Variants in EPHB3 observed in about 807,000 individuals in gnomAD.
EPHB3 encodes the protein EPH receptor B3.
In EPHB3, 33 loss-of-function variants were observed where a neutral mutation model predicts 100.2. The observed-to-expected ratio is 0.33, with a 90% CI of 0.25 to 0.44. EPHB3 has a LOEUF of 0.44. Ranked by LOEUF, EPHB3 falls within the 20% of genes least tolerant of loss-of-function variation. The pLI, the probability that EPHB3 is intolerant of heterozygous loss-of-function variation, is 1.00. For synonymous variants in EPHB3, 526 were observed against 554.7 expected (o/e 0.95, Z 0.73); for missense variants, 1,045 against 1,378.3 (o/e 0.76, Z 3.83).
chr3:184,579,361 C>A lies in EPHB3; in HGVS notation c.1802-116C>A. 6.8e-7 allele frequency: 1 copy of A among 1,473,910 alleles called. No homozygotes were observed. The highest frequency in any genetic ancestry group is 9.2e-7 in the Non-Finnish European group (1 of 1,091,164). 91.3% of individuals were successfully genotyped at this position (1,473,910 alleles called of 1,614,324 possible). The stretch of plus-strand genomic sequence containing the variant: ...TCTCATGGGAGCTGGAGGATTAGGG[C>A]AGCAACACAGAGGAATATGGGGCTG... On this transcript the variant is annotated intron_variant, in intron 9 of 15. Coordinates refer to ENST00000330394, the MANE Select transcript of EPHB3 (RefSeq NM_004443.4). This position sits in a 1 kb window ranked among gnomAD's most constrained non-coding sequence, Gnocchi z 5.2.
At position 184,581,016 on chromosome 3, in the gene EPHB3, G is replaced by A. The variant is rs1166574205; in HGVS notation, c.2583G>A (p.Met861Ile). The change falls in exon 14 of 16, where the codon ATG (methionine) becomes ATA (isoleucine). Residue 861 changes from methionine to isoleucine, a missense_variant. Physicochemically the swap from Met to Ile is conservative, Grantham distance 10. Coordinates refer to ENST00000330394, the MANE Select transcript of EPHB3 (RefSeq NM_004443.4). ...VEQDYRLPPP[M>I]DCPTALHQLM... ...AGGATTACCGGCTGCCACCACCCAT[G>A]GACTGTCCCACAGCACTGCACCAGC... 1.9e-6 allele frequency: 3 copies of A among 1,613,958 alleles called. No homozygotes were observed. Among genetic ancestry groups the A allele is most frequent in the South Asian group, 2.2e-5 (2 of 91,082 alleles).
intron 1 of EPHB3, among the ~76,000 whole-genome samples, chr3:184,567,473 C>T (rs1250169934): frequency 7.0e-6 from 1 of 142,562 alleles, no homozygotes; most frequent in Non-Finnish European, 1.5e-5. Flanking sequence ...CAGAACCATG[C>T]TTGCAGGGTG....
intron 4 of EPHB3, among the ~76,000 whole-genome samples, chr3:184,576,380 C>T (rs1174376126): frequency 1.3e-5 from 2 of 152,210 alleles, no homozygotes; most frequent in African/African-American, 2.4e-5. Context: ...TGGAGGGGGC[C>T]TCACATCCTG....
In EPHB3 at chr3:184,581,567, G is replaced by A. The variant is rs11544573; in HGVS notation, c.2942G>A (p.Ser981Asn). 1 of 1,613,772 alleles carries A rather than the reference G, an allele frequency of 6.2e-7. No individual in the cohort carries two copies. The highest frequency in any genetic ancestry group is 1.1e-5 in the South Asian group (1 of 91,068). The part of the protein sequence containing the change: ...TLAGHQKKIL[S>N]SIQDMRLQMN... ...GCCGGCCACCAGAAGAAGATCCTGAGCAGTATCCAGGACATGCGGCTGCAG... is the reference window on the plus strand; with the variant it reads ...GCCGGCCACCAGAAGAAGATCCTGAACAGTATCCAGGACATGCGGCTGCAG... The change falls in exon 16 of 16, where the codon AGC becomes AAC. Residue 981 changes from serine to asparagine, a missense_variant. Ser to Asn is a conservative substitution (Grantham distance 46). Coordinates refer to ENST00000330394, the MANE Select transcript of EPHB3 (RefSeq NM_004443.4).
Position 184,579,671 on chromosome 3 carries a change from G to T in EPHB3, c.1925-16G>T. 6.2e-7 allele frequency: 1 copy of T among 1,611,024 alleles called. No individual in the cohort carries two copies. The highest frequency in any genetic ancestry group is 8.5e-7 in the Non-Finnish European group (1 of 1,177,904). On this transcript the variant is annotated splice_polypyrimidine_tract_variant and intron_variant, in intron 10 of 15. Coordinates refer to ENST00000330394, the MANE Select transcript of EPHB3 (RefSeq NM_004443.4). The surrounding 1 kb of genome is among the most constrained non-coding windows in gnomAD (Gnocchi z 5.2). ...GGTACAGGAGTGAGTCATAGCTTGT[G>T]CCCTGTGCCCTGCAGGGGAATTTGG...
At position 184,572,747 on chromosome 3, in the gene EPHB3, T is replaced by A. The variant is rs779906102; in HGVS notation, c.427T>A (p.Ser143Thr). The change falls in exon 3 of 16, where the codon TCA (serine) becomes ACA (threonine). Residue 143 changes from serine to threonine, a missense_variant. Ser to Thr is a moderately conservative substitution (Grantham distance 58, BLOSUM62 1). Around this residue, in one of 2 missense-constraint regions of EPHB3, gnomAD observed 985 missense variants for 1,331.1 expected, o/e 0.74. Coordinates refer to ENST00000330394, the MANE Select transcript of EPHB3 (RefSeq NM_004443.4). This position sits in a 1 kb window ranked among gnomAD's most constrained non-coding sequence, Gnocchi z 6.6. ...CTACGAGGCTGACAGCGATGTGGCC[T>A]CAGCCTCCTCCCCCTTCTGGATGGA... ...FYYEADSDVASASSPFWMENP... is the reference protein window; with the variant it reads ...FYYEADSDVATASSPFWMENP... The A allele has an allele frequency of 6.2e-6, 10 of 1,612,782 alleles. No individual in the cohort carries two copies. In the South Asian group the frequency reaches 1.1e-4, roughly 18 times the overall value.
At chr3:184,575,771 G>A in intron 3 of EPHB3, 59 bp from the exon 4 acceptor site, 1 of 1,510,764 alleles carries the variant, frequency 6.6e-7, no homozygotes. Flanking sequence ...TGGAGCTGCG[G>A]AGGTCTGGTG....
In EPHB3 at chr3:184,578,454, C is replaced by T; in HGVS notation, c.1789C>T (p.Leu597=). 1 of 1,614,006 alleles carries T rather than the reference C, an allele frequency of 6.2e-7. No homozygotes were observed. Among genetic ancestry groups the T allele is most frequent in the Non-Finnish European group, 8.5e-7 (1 of 1,179,968 alleles). ...HGSDSEYTEK[L]QQYIAPGMKV... Reference sequence around the variant, plus strand: ...CTCTGATTCGGAGTACACGGAGAAGCTGCAGCAGTACAGTGAGTTTGTCCC... The same window carrying T: ...CTCTGATTCGGAGTACACGGAGAAGTTGCAGCAGTACAGTGAGTTTGTCCC... The change falls in exon 9 of 16, where the codon CTG becomes TTG. Residue 597 remains leucine, a synonymous_variant. Transcript: ENST00000330394. The surrounding 1 kb of genome is among the most constrained non-coding windows in gnomAD (Gnocchi z 4.7).
rs180909691 is a variant in EPHB3, at chr3:184,574,929, G to A, written c.857-901G>A. On this transcript the variant is annotated intron_variant, in intron 3 of 15. Coordinates refer to ENST00000330394, the MANE Select transcript of EPHB3 (RefSeq NM_004443.4). ...ACCCCAGAAAAGGGCAAGCCCTAGC[G>A]CTGGGCGTTCTCCCCTATGGGTGTC... Among the ~76,000 whole-genome samples, 40 of 152,362 alleles carry A rather than the reference G, an allele frequency of 2.6e-4. No individual in the cohort carries two copies. The East Asian group carries it at 7.1e-3, about 27-fold the overall frequency.
rs765715516 is a variant in EPHB3, at chr3:184,577,944, C to T, written c.1686C>T (p.Gly562=). The T allele has an allele frequency of 1.2e-6, 2 of 1,613,970 alleles. No homozygotes were observed. The highest frequency in any genetic ancestry group is 2.2e-5 in the East Asian group (1 of 44,888). The change falls in exon 8 of 16, where the codon GGC becomes GGT. Residue 562 remains glycine (G), a synonymous_variant. Coordinates refer to ENST00000330394, the MANE Select transcript of EPHB3 (RefSeq NM_004443.4). The surrounding 1 kb of genome is among the most constrained non-coding windows in gnomAD (Gnocchi z 4.9). The part of the protein sequence containing the change: ...QLQEQLPLIV[G]SATAGLVFVV... ...AGGAGCAGCTTCCCCTCATCGTGGG[C>T]TCCGCTACAGCTGGGCTTGTCTTCG...
Position 184,569,543 on chromosome 3 carries a change from A to G in EPHB3, c.119-1775A>G, listed in dbSNP as rs945508967. On this transcript the variant is annotated intron_variant, in intron 1 of 15. Coordinates refer to ENST00000330394, the MANE Select transcript of EPHB3 (RefSeq NM_004443.4). This position sits in a 1 kb window ranked among gnomAD's most constrained non-coding sequence, Gnocchi z 5.4. The stretch of plus-strand genomic sequence containing the variant: ...TTCCCTCGAGTACCCCCCAGGCCGA[A>G]TGTCTGTGTCTGTCTGTCTGTCTGT... 7.9e-5 allele frequency among the ~76,000 whole-genome samples: 12 copies of G among 151,870 alleles called. No individual in the cohort carries two copies. Among genetic ancestry groups the G allele is most frequent in the South Asian group, 2.1e-4 (1 of 4,816 alleles).
chr3:184,572,974 C>A lies in EPHB3; in HGVS notation c.654C>A (p.Gly218=). Residue 218 remains glycine, a synonymous_variant, in exon 3 of 16, where the codon GGC becomes GGA. Coordinates refer to ENST00000330394, the MANE Select transcript of EPHB3 (RefSeq NM_004443.4). The surrounding 1 kb of genome is among the most constrained non-coding windows in gnomAD (Gnocchi z 6.6). Reference sequence around the variant, plus strand: ...AGAAGTGTGCATCCACCACCGCAGGCTTCGCACTCTTCCCCGAGACCCTCA... The same window carrying A: ...AGAAGTGTGCATCCACCACCGCAGGATTCGCACTCTTCCCCGAGACCCTCA... The part of the protein sequence containing the change: ...FYKKCASTTA[G]FALFPETLTG... 6.2e-7 allele frequency: 1 copy of A among 1,603,300 alleles called. No homozygotes were observed. The highest frequency in any genetic ancestry group is 8.5e-7 in the Non-Finnish European group (1 of 1,174,404).
Position 184,563,890 on chromosome 3 carries a change from G to C in EPHB3, c.118+1537G>C, listed in dbSNP as rs1399109242. Among the ~76,000 whole-genome samples, 1 of 152,370 alleles carries C rather than the reference G, an allele frequency of 6.6e-6. No individual in the cohort carries two copies. Among genetic ancestry groups the C allele is most frequent in the South Asian group, 2.1e-4 (1 of 4,828 alleles). On this transcript the variant is annotated intron_variant, in intron 1 of 15. Transcript: ENST00000330394. This position sits in a 1 kb window ranked among gnomAD's most constrained non-coding sequence, Gnocchi z 4.1. Reference sequence around the variant, plus strand: ...GCTATGTGTCACCTGTGTGTGTCGGGCCACAAGGCCCTTGTTGTGGGTGTG... The same window carrying C: ...GCTATGTGTCACCTGTGTGTGTCGGCCCACAAGGCCCTTGTTGTGGGTGTG...
At chr3:184,570,072 C>T (rs1707844156) in intron 1 of EPHB3, among the ~76,000 whole-genome samples, 1 of 152,186 alleles carries the variant, frequency 6.6e-6, no homozygotes, top group Non-Finnish European at 1.5e-5. Context: ...ATTAACGGGC[C>T]CCTCCTATGA....
At chr3:184,575,482 G>A (rs545743805) in intron 3 of EPHB3, among the ~76,000 whole-genome samples, 3 of 152,182 alleles carry the variant, frequency 2.0e-5, no homozygotes, top group East Asian at 1.9e-4. Context: ...CTAGCCCACC[G>A]GTGGTCTCTT....
In EPHB3 at chr3:184,578,273, T is replaced by C. The variant is rs74707523; in HGVS notation, c.1749-141T>C. The C allele has an allele frequency of 1.6e-4, 197 of 1,259,948 alleles. 1 individual carries two copies. In the East Asian group the frequency reaches 4.6e-3, roughly 29 times the overall value. 78.0% of individuals were successfully genotyped at this position (1,259,948 alleles called of 1,614,324 possible). On this transcript the variant is annotated intron_variant, in intron 8 of 15. Transcript: ENST00000330394. This position sits in a 1 kb window ranked among gnomAD's most constrained non-coding sequence, Gnocchi z 4.7. The stretch of plus-strand genomic sequence containing the variant: ...ACCCCTTGCTCAGACACCCAGAGAC[T>C]GCTGTGACCACCAATTGTGGGACTA...
In EPHB3 at chr3:184,573,935, G is replaced by A. The variant is rs146432443; in HGVS notation, c.856+759G>A. On this transcript the variant is annotated intron_variant, in intron 3 of 15. Transcript: ENST00000330394. This position sits in a 1 kb window ranked among gnomAD's most constrained non-coding sequence, Gnocchi z 4.5. ...TCACCATGTTGGTCAGGCTGGTCTC[G>A]AACTCCTGACCTCAAGTGATCCACC... is the stretch of plus-strand genomic sequence containing the variant. 0.013 allele frequency among the ~76,000 whole-genome samples: 2,038 copies of A among 152,008 alleles called. 66 individuals are homozygous for A. Among genetic ancestry groups the A allele is most frequent in the African/African-American group, 0.046 (1,913 of 41,422 alleles).
chr3:184,562,479 C>T lies in EPHB3; in HGVS notation c.118+126C>T, dbSNP rs1714281935. Reference sequence around the variant, plus strand: ...GAGGCCCCGCCACCGGCGCCCGCTCCGGGGCCCAGGGATGGGGTGGGGAGG... The same window carrying T: ...GAGGCCCCGCCACCGGCGCCCGCTCTGGGGCCCAGGGATGGGGTGGGGAGG... On this transcript the variant is annotated intron_variant, in intron 1 of 15. Coordinates refer to ENST00000330394, the MANE Select transcript of EPHB3 (RefSeq NM_004443.4). This position sits in a 1 kb window ranked among gnomAD's most constrained non-coding sequence, Gnocchi z 4.8. 15 of 1,119,916 alleles carry T rather than the reference C, an allele frequency of 1.3e-5. No individual in the cohort carries two copies. Among genetic ancestry groups the T allele is most frequent in the South Asian group, 4.4e-5 (1 of 22,900 alleles). 69.4% of individuals were successfully genotyped at this position (1,119,916 alleles called of 1,614,324 possible). A position where few individuals can be genotyped will look rare whatever the true frequency, so the allele number is the denominator to read the frequency against.
At chr3:184,566,694 T>C (rs925903379) in intron 1 of EPHB3, among the ~76,000 whole-genome samples, 1 of 152,166 alleles carries the variant, frequency 6.6e-6, no homozygotes, top group Admixed American at 6.5e-5. Flanking sequence ...TGCTCCTCCT[T>C]GCGCAGACCC....
Sources: allele counts gnomAD v4.1 joint callset (sites outside exome capture counted in the v4.1 genomes callset), GRCh38; gene constraint gnomAD v4.1.1; regional missense constraint gnomAD v4.1.1; non-coding constraint Gnocchi (gnomAD v3.1); transcripts MANE v1.5; gene names NCBI Gene and HGNC (gene_info 2026-07-23, HGNC 2026-07-21).